The following PDE4D variants were observed in gnomAD, a reference collection of about 807,000 sequenced individuals.
The protein encoded by PDE4D is 3',5'-cyclic-AMP phosphodiesterase 4D.
Under a neutral mutation model 87.4 loss-of-function variants are expected in PDE4D, and 24 were observed. The ratio of observed to expected loss-of-function variants is 0.27; its 90% CI spans 0.20 to 0.39. The LOEUF is 0.39. Ranked by LOEUF, PDE4D falls within the 10% of genes least tolerant of loss-of-function variation. PDE4D has a pLI of 1.00. For synonymous variants in PDE4D, 384 were observed against 383.2 expected (o/e 1.00, Z -0.02); for missense variants, 714 against 1,041.0 (o/e 0.69, Z 4.32).
At chr5:60,480,413 C>T (rs1240004122) in intron 1 of PDE4D, among the ~76,000 whole-genome samples, 2 of 151,994 alleles carry the variant, frequency 1.3e-5, no homozygotes, top group Admixed American at 6.6e-5. Flanking sequence ...TATTAATTTA[C>T]TTAATCTCTA....
At chr5:59,855,312 C>G (rs1278800551) in intron 1 of PDE4D, among the ~76,000 whole-genome samples, 1 of 152,108 alleles carries the variant, frequency 6.6e-6, no homozygotes, top group East Asian at 1.9e-4. Flanking sequence ...AAGGTTCCAT[C>G]CTAAAACAAA....
chr5:59,587,637 G>A (rs1287344061), intron 1 of PDE4D: 2 of 984,686 alleles, frequency 2.0e-6, no homozygotes, highest in East Asian at 2.3e-4. Context: ...CAGCAGCCTG[G>A]CTCAGCTGCA....
At chr5:59,771,195 A>G (rs1043770764) in intron 1 of PDE4D, among the ~76,000 whole-genome samples, 20 of 151,330 alleles carry the variant, frequency 1.3e-4, no homozygotes, top group Non-Finnish European at 2.9e-5. Flanking sequence ...ATGTCTCTAT[A>G]TCTGCCCTTG....
intron 1 of PDE4D, among the ~76,000 whole-genome samples, chr5:59,817,718 A>ACG (rs1017084248): frequency 6.0e-5 from 9 of 150,954 alleles, no homozygotes; most frequent in East Asian, 2.0e-4. Context: ...GCATGCAGGC[A>ACG]CGCGCGCGCG....
chr5:59,102,377 C>T (rs778432809), intron 5 of PDE4D, among the ~76,000 whole-genome samples: 10 of 152,072 alleles, frequency 6.6e-5, no homozygotes, highest in Admixed American at 1.3e-4. Context: ...TGAGCCATCG[C>T]GCCTGGCCCC....
intron 1 of PDE4D, among the ~76,000 whole-genome samples, chr5:59,695,811 G>A (rs533425126): frequency 1.5e-4 from 23 of 151,396 alleles, no homozygotes; most frequent in South Asian, 2.1e-4. Context: ...GTTTCACCAC[G>A]TTGCTCAGGC....
At chr5:60,032,698 C>G (rs915053186) in intron 2 of PDE4D, 3 of 152,076 alleles carry the variant, frequency 2.0e-5, no homozygotes, top group East Asian at 1.9e-4. Context: ...AATGAGGTAA[C>G]ATGTGAAGCA....
intron 1 of PDE4D, among the ~76,000 whole-genome samples, chr5:60,362,102 G>A (rs946302035): frequency 6.6e-6 from 1 of 152,212 alleles, no homozygotes; most frequent in African/African-American, 2.4e-5. Context: ...ATAGTGAGGA[G>A]AGAAGGCAAT....
intron 4 of PDE4D, among the ~76,000 whole-genome samples, chr5:59,181,952 G>C (rs890941919): frequency 6.6e-5 from 10 of 152,048 alleles, no homozygotes; most frequent in African/African-American, 2.4e-4. Context: ...TTAGCAGGGT[G>C]GGGGAAAGTT....
At chr5:59,692,033 T>C (rs1435278774) in intron 1 of PDE4D, among the ~76,000 whole-genome samples, 1 of 152,126 alleles carries the variant, frequency 6.6e-6, no homozygotes, top group African/African-American at 2.4e-5. Context: ...TGTTAAAATA[T>C]ATGATAGGAA....
intron 1 of PDE4D, among the ~76,000 whole-genome samples, chr5:59,599,441 A>G (rs925892968): frequency 3.3e-5 from 5 of 151,666 alleles, no homozygotes; most frequent in African/African-American, 1.2e-4. Flanking sequence ...GAGTTTCACC[A>G]TGTTGGCTAG....
chr5:59,198,321 A>G lies in PDE4D; in HGVS notation c.648-4785T>C, dbSNP rs549168702. 4.9e-4 allele frequency among the ~76,000 whole-genome samples: 74 copies of G among 152,348 alleles called. 2 individuals are homozygous for G. Among genetic ancestry groups the G allele is most frequent in the African/African-American group, 1.7e-3 (72 of 41,582 alleles). On this transcript the variant is annotated intron_variant, in intron 2 of 14. Transcript: ENST00000340635. Reference sequence around the variant, plus strand: ...TGACACTGCGTGTCTATATGTATGTATGTATGCACACATGTATACATGTAT... The same window carrying G: ...TGACACTGCGTGTCTATATGTATGTGTGTATGCACACATGTATACATGTAT...
chr5:60,476,158 C>A (rs1183910470), intron 1 of PDE4D, among the ~76,000 whole-genome samples: 1 of 152,162 alleles, frequency 6.6e-6, no homozygotes, highest in Non-Finnish European at 1.5e-5. Flanking sequence ...TTTTCACATG[C>A]AAGTTTTATA....
chr5:59,141,266 A>G (rs1490132125), intron 5 of PDE4D, among the ~76,000 whole-genome samples: 1 of 152,214 alleles, frequency 6.6e-6, no homozygotes. Flanking sequence ...CTTTATCTGT[A>G]GCCAAACCTA....
chr5:60,432,685 C>T (rs947688779), intron 1 of PDE4D, among the ~76,000 whole-genome samples: 1 of 152,120 alleles, frequency 6.6e-6, no homozygotes, highest in Non-Finnish European at 1.5e-5. Context: ...AACTATACTT[C>T]AATGCTACAG....
At chr5:59,868,830 A>G (rs1747414821) in intron 1 of PDE4D, among the ~76,000 whole-genome samples, 1 of 152,244 alleles carries the variant, frequency 6.6e-6, no homozygotes, top group Non-Finnish European at 1.5e-5. Flanking sequence ...TTCAGAAAAT[A>G]AAATTCTAGC....
At chr5:60,503,548 T>C (rs955800465) in intron 1 of PDE4D, among the ~76,000 whole-genome samples, 2 of 152,164 alleles carry the variant, frequency 1.3e-5, no homozygotes, top group African/African-American at 2.4e-5. Context: ...TCCTTTATTA[T>C]ATGAAAGTGC....
chr5:59,455,902 T>C (rs902005983), intron 1 of PDE4D, among the ~76,000 whole-genome samples: 1 of 152,258 alleles, frequency 6.6e-6, no homozygotes, highest in Admixed American at 6.5e-5. Context: ...ATGGGGCCTA[T>C]GGCCCCTTTG....
chr5:59,361,068 T>A (rs988819410), intron 1 of PDE4D, among the ~76,000 whole-genome samples: 3 of 152,108 alleles, frequency 2.0e-5, no homozygotes, highest in African/African-American at 7.2e-5. Context: ...ATTTTAGGAT[T>A]TTTTTTAGCA....
Sources: gnomAD v4.1 joint callset for allele counts (sites outside exome capture counted in the v4.1 genomes callset) on GRCh38, gnomAD v4.1.1 for gene constraint, MANE v1.5 for transcripts, NCBI Gene and HGNC (gene_info 2026-07-23, HGNC 2026-07-21) for gene names.